The following MCM2 variants were observed in gnomAD, a reference collection of about 807,000 sequenced individuals.
MCM2 encodes minichromosome maintenance complex component 2.
In MCM2, 49 loss-of-function variants were observed where a neutral mutation model predicts 86.4. That is an observed-to-expected ratio of 0.57 (90% CI 0.45 to 0.72). The LOEUF (loss-of-function observed/expected upper bound fraction) is 0.72, where lower values mean the gene tolerates loss of function less well. MCM2 is among the 30% of genes least tolerant of loss of function. The pLI is 0.00. For missense variants in MCM2, 1,038 were observed against 1,259.9 expected, an observed-to-expected ratio of 0.82 and a Z score of 2.67; for synonymous variants, 475 against 484.6, an observed-to-expected ratio of 0.98 and a Z score of 0.26.
intron 8 of MCM2, chr3:127,611,106 C>T (rs1264121236): frequency 2.6e-6 from 1 of 386,170 alleles, no homozygotes; most frequent in East Asian, 7.2e-5. Context: ...GTCACACAGG[C>T]AAAGAAAGCC....
chr3:127,609,080 T>G, intron 8 of MCM2, 57 bp downstream of exon 8: 1 of 1,578,276 alleles, frequency 6.3e-7, no homozygotes, highest in Non-Finnish European at 8.6e-7. Flanking sequence ...TATGGAGGGT[T>G]GCTGGGGCTG....
Position 127,621,171 on chromosome 3 carries a change from C to G in MCM2, c.2547C>G (p.Asn849Lys). Residue 849 changes from asparagine to lysine, a missense_variant, in exon 15 of 16, where the codon AAC (asparagine) becomes AAG (lysine). Asn to Lys is a moderately conservative substitution (Grantham distance 94, BLOSUM62 0). This residue lies in a region of MCM2 where 336 missense variants were observed against 425.7 expected (regional missense o/e 0.79). Coordinates refer to ENST00000265056, the MANE Select transcript of MCM2 (RefSeq NM_004526.4). ...LVAEQVTYQR[N>K]RFGAQQDTIE... is the part of the protein sequence containing the mutation. The stretch of plus-strand genomic sequence containing the variant: ...CAGAGCAGGTGACATATCAGCGCAA[C>G]CGCTTTGGGGCCCAGCAGGACACTA... 6.2e-7 allele frequency: 1 copy of G among 1,614,208 alleles called. No individual in the cohort carries two copies. The highest frequency in any genetic ancestry group is 8.5e-7 in the Non-Finnish European group (1 of 1,180,042).
Position 127,622,274 on chromosome 3 carries a change from C to G in MCM2, c.*501C>G, listed in dbSNP as rs925021644. On this transcript the variant is annotated 3_prime_UTR_variant, in exon 16 of 16. Transcript: ENST00000265056. ...GGCACGACAGTGCCAGCGCAGCGTTCTGGGCTCCTCAGTCGCAGGGGTGGG... is the reference window on the plus strand; with the variant it reads ...GGCACGACAGTGCCAGCGCAGCGTTGTGGGCTCCTCAGTCGCAGGGGTGGG... 1.3e-5 allele frequency: 2 copies of G among 153,026 alleles called. No homozygotes were observed. The highest frequency in any genetic ancestry group is 4.8e-5 in the African/African-American group (2 of 41,468). The allele number at this position is 153,026 out of a possible 1,614,324, so 9.5% of individuals were successfully genotyped here. A position where few individuals can be genotyped will look rare whatever the true frequency, so the allele number is the denominator to read the frequency against.
At chr3:127,603,344 C>T (rs895178142) in intron 2 of MCM2, among the ~76,000 whole-genome samples, 48 of 151,258 alleles carry the variant, frequency 3.2e-4, no homozygotes, top group South Asian at 4.2e-4. Flanking sequence ...TTGTTTGAGA[C>T]GGAGTTTCAC....
rs2074345231 is a variant in MCM2, at chr3:127,606,079, A to G, written c.674-39A>G. ...ATTGTTGCAGCCCAGCCCAGGCCTC[A>G]TGCTTAGTTAACTCTCTTCCCACTG... is the stretch of plus-strand genomic sequence containing the variant. On this transcript the variant is annotated intron_variant, in intron 4 of 15. Coordinates refer to ENST00000265056, the MANE Select transcript of MCM2 (RefSeq NM_004526.4). This position sits in a 1 kb window ranked among gnomAD's most constrained non-coding sequence, Gnocchi z 4.2. The G allele has an allele frequency of 9.2e-6, 14 of 1,529,286 alleles. No homozygotes were observed. Among genetic ancestry groups the G allele is most frequent in the Non-Finnish European group, 1.3e-5 (14 of 1,103,484 alleles). 94.7% of individuals were successfully genotyped at this position (1,529,286 alleles called of 1,614,324 possible).
chr3:127,618,197 T>C lies in MCM2; in HGVS notation c.2013+116T>C. 3.8e-6 allele frequency: 3 copies of C among 782,040 alleles called. No homozygotes were observed. Among genetic ancestry groups the C allele is most frequent in the East Asian group, 5.4e-5 (2 of 36,980 alleles). The allele number at this position is 782,040 out of a possible 1,614,324, so 48.4% of individuals were successfully genotyped here. A position where few individuals can be genotyped will look rare whatever the true frequency, so the allele number is the denominator to read the frequency against. The stretch of plus-strand genomic sequence containing the variant: ...CAGGTGCTGCAGGGGCCATAGGCTG[T>C]TTTCTAGTCCTGTTCCCTCGGTCTC... On this transcript the variant is annotated intron_variant, in intron 12 of 15. Transcript: ENST00000265056. The surrounding 1 kb of genome is among the most constrained non-coding windows in gnomAD (Gnocchi z 4.0).
At position 127,618,072 on chromosome 3, in the gene MCM2, C is replaced by G; in HGVS notation, c.2004C>G (p.Asp668Glu). ...TGTGTGTGGTGAGGGACACCGTGGA[C>G]CCAGTCCAGGTATAGCTCACATGTG... ...DILCVVRDTVDPVQDEMLARF... is the reference protein window; with the variant it reads ...DILCVVRDTVEPVQDEMLARF... The change falls in exon 12 of 16, where the codon GAC (aspartate) becomes GAG (glutamate). Residue 668 changes from aspartate (D) to glutamate (E), a missense_variant. By Grantham distance (45) the Asp-to-Glu change is conservative. Around this residue, in one of 4 missense-constraint regions of MCM2, gnomAD observed 336 missense variants for 425.7 expected, o/e 0.79. Coordinates refer to ENST00000265056, the MANE Select transcript of MCM2 (RefSeq NM_004526.4). The surrounding 1 kb of genome is among the most constrained non-coding windows in gnomAD (Gnocchi z 4.0). 6.2e-7 allele frequency: 1 copy of G among 1,613,758 alleles called. No homozygotes were observed. Among genetic ancestry groups the G allele is most frequent in the South Asian group, 1.1e-5 (1 of 91,038 alleles).
At chr3:127,611,521 G>A (rs1010571077) in intron 8 of MCM2, among the ~76,000 whole-genome samples, 4 of 152,016 alleles carry the variant, frequency 2.6e-5, no homozygotes, top group Admixed American at 6.6e-5. Context: ...GTTCCAAAAC[G>A]ACTTGTTCCC....
rs1174414593 is a variant in MCM2, at chr3:127,598,469, G to GGCGGTGAGC, written c.6+1_6+9dup. 4.3e-6 allele frequency: 7 copies of GGCGGTGAGC among 1,612,964 alleles called. No individual in the cohort carries two copies. In the African/African-American group the frequency reaches 9.4e-5, roughly 22 times the overall value. The stretch of plus-strand genomic sequence containing the variant: ...GCGGAGAGGATCGTGGTACTGCTAT[G>GGCGGTGAGC]GCGGTGAGCGCGCTGGCGCGTGGCG... On this transcript the variant is annotated inframe_insertion, in exon 1 of 16. Coordinates refer to ENST00000265056, the MANE Select transcript of MCM2 (RefSeq NM_004526.4).
rs199539311 is a variant in MCM2 at position 127,608,925 on chromosome 3, G to A, written c.1330G>A (p.Val444Met). The A allele has an allele frequency of 1.8e-5, 29 of 1,614,092 alleles. No homozygotes were observed. In the East Asian group the frequency reaches 4.0e-4, roughly 22 times the overall value. Reference sequence around the variant, plus strand: ...TGCCACTGTCATCCTAGCCAACCACGTGGCCAAGAAGGACAACAAGGTTGC... The same window carrying A: ...TGCCACTGTCATCCTAGCCAACCACATGGCCAAGAAGGACAACAAGGTTGC... ...VFATVILANH[V>M]AKKDNKVAVG... is the part of the protein sequence containing the mutation. Residue 444 changes from valine to methionine, a missense_variant, in exon 8 of 16, where the codon GTG becomes ATG. Transcript: ENST00000265056.
rs2074443616 is a variant in MCM2, at chr3:127,617,643, G to C, written c.1900+238G>C. 1 of 616,124 alleles carries C rather than the reference G, an allele frequency of 1.6e-6. No individual in the cohort carries two copies. Among genetic ancestry groups the C allele is most frequent in the Non-Finnish European group, 2.8e-6 (1 of 354,804 alleles). 38.2% of individuals were successfully genotyped at this position (616,124 alleles called of 1,614,324 possible). On this transcript the variant is annotated intron_variant, in intron 11 of 15. Transcript: ENST00000265056. This position sits in a 1 kb window ranked among gnomAD's most constrained non-coding sequence, Gnocchi z 4.1. ...CACCTTGGATGTTCTCAGAAGGCAT[G>C]GGAGGAGAGCCCAGTGCCCCTCTGG...
At position 127,621,067 on chromosome 3, in the gene MCM2, C is replaced by T. The variant is rs748967267; in HGVS notation, c.2449-6C>T. 6.2e-7 allele frequency: 1 copy of T among 1,613,930 alleles called. No homozygotes were observed. The highest frequency in any genetic ancestry group is 2.2e-5 in the East Asian group (1 of 44,882). ...CGGGTGTTTGACTGAGGCTTTTTTC[C>T]TGCAGACTTTTGCCCGCTACCTTTC... On this transcript the variant is annotated splice_polypyrimidine_tract_variant and splice_region_variant and intron_variant, in intron 14 of 15. Transcript: ENST00000265056.
At chr3:127,600,614 G>T (rs1164019861) in intron 2 of MCM2, among the ~76,000 whole-genome samples, 1 of 152,190 alleles carries the variant, frequency 6.6e-6, no homozygotes, top group Non-Finnish European at 1.5e-5. Flanking sequence ...GACTGCATGT[G>T]CTGTAGGCTG....
intron 6 of MCM2, among the ~76,000 whole-genome samples, chr3:127,607,037 C>G (rs2074357062): frequency 6.6e-6 from 1 of 152,264 alleles, no homozygotes; most frequent in African/African-American, 2.4e-5. Flanking sequence ...ATATTTAAGT[C>G]AGGCGATTTG....
intron 8 of MCM2, among the ~76,000 whole-genome samples, chr3:127,614,148 C>T (rs947856065): frequency 1.3e-5 from 2 of 152,210 alleles, no homozygotes; most frequent in Non-Finnish European, 2.9e-5. Flanking sequence ...ATAGTCACAG[C>T]CAATCGAGTG....
intron 8 of MCM2, among the ~76,000 whole-genome samples, chr3:127,609,837 CTTTTTTTTTTTTTTTTTTT>C (rs10716532): frequency 8.7e-5 from 6 of 69,110 alleles, no homozygotes; most frequent in Non-Finnish European, 1.6e-4. Context: ...AGTCAACTTC[CTTTTTTTTTTTTTTTTTTT>C]TTTTTTTTGA....
chr3:127,610,369 GA>G (rs1337982802), intron 8 of MCM2, among the ~76,000 whole-genome samples: 4 of 152,180 alleles, frequency 2.6e-5, no homozygotes, highest in African/African-American at 4.8e-5. Context: ...GAGTAATTTT[GA>G]AGGAATGGAT....
intron 2 of MCM2, among the ~76,000 whole-genome samples, chr3:127,601,835 T>C (rs1275078991): frequency 2.0e-5 from 3 of 152,218 alleles, no homozygotes; most frequent in African/African-American, 7.2e-5. Flanking sequence ...TCCGTGTTCT[T>C]GCCAACATTG....
chr3:127,601,385 G>C (rs1473400943), intron 2 of MCM2, among the ~76,000 whole-genome samples: 2 of 151,542 alleles, frequency 1.3e-5, no homozygotes, highest in Admixed American at 6.6e-5. Context: ...GTTTGTTTTT[G>C]AGTTTTGCTC....
Sources: gnomAD v4.1 joint callset for allele counts (sites outside exome capture counted in the v4.1 genomes callset) on GRCh38, gnomAD v4.1.1 for gene constraint, gnomAD v4.1.1 regional missense constraint, Gnocchi (gnomAD v3.1) non-coding constraint, MANE v1.5 for transcripts, NCBI Gene and HGNC (gene_info 2026-07-23, HGNC 2026-07-21) for gene names.